The following MALRD1 variants were observed in gnomAD, a reference collection of about 807,000 sequenced individuals.
MALRD1 encodes MAM and LDL-receptor class A domain-containing protein 1.
Under a neutral mutation model 242.1 loss-of-function variants are expected in MALRD1, and 247 were observed. That is an observed-to-expected ratio of 1.02 (90% CI 0.92 to 1.13). The LOEUF (loss-of-function observed/expected upper bound fraction) is 1.13. Among genes scored for constraint, MALRD1 ranks in the 50% most tolerant of loss-of-function variants. The pLI is 0.00. For synonymous variants in MALRD1, 995 were observed against 866.6 expected (o/e 1.15, Z -2.60); for missense variants, 2,989 against 2,533.1 (o/e 1.18, Z -3.86).
At chr10:19,268,943 C>G (rs1307158929) in intron 19 of MALRD1, among the ~76,000 whole-genome samples, 1 of 152,064 alleles carries the variant, frequency 6.6e-6, no homozygotes, top group African/African-American at 2.4e-5. Flanking sequence ...AGTTTGGTTC[C>G]CCTGTGGCTC....
chr10:19,550,864 A>G (rs1482477177), intron 32 of MALRD1, among the ~76,000 whole-genome samples: 1 of 152,214 alleles, frequency 6.6e-6, no homozygotes, highest in Non-Finnish European at 1.5e-5. Flanking sequence ...TATATACCCC[A>G]TAATGGGATT....
intron 18 of MALRD1, among the ~76,000 whole-genome samples, chr10:19,233,623 A>C (rs1211659447): frequency 6.6e-6 from 1 of 152,096 alleles, no homozygotes; most frequent in Non-Finnish European, 1.5e-5. Flanking sequence ...GACACTTTCT[A>C]CTGATTTCCA....
chr10:19,517,885 A>G (rs1023456214), intron 31 of MALRD1, among the ~76,000 whole-genome samples: 6 of 152,330 alleles, frequency 3.9e-5, no homozygotes, highest in African/African-American at 1.4e-4. Flanking sequence ...TTTCCTCCAC[A>G]TCCCACTTCT....
At chr10:19,382,434 A>G (rs1010382258) in intron 26 of MALRD1, among the ~76,000 whole-genome samples, 5 of 152,166 alleles carry the variant, frequency 3.3e-5, no homozygotes, top group Non-Finnish European at 7.3e-5. Flanking sequence ...TTGGCATAAA[A>G]GTTAGAATAT....
chr10:19,702,150 G>A (rs1367315016), intron 38 of MALRD1, among the ~76,000 whole-genome samples: 1 of 152,166 alleles, frequency 6.6e-6, no homozygotes, highest in East Asian at 1.9e-4. Context: ...TAAATTTATA[G>A]TAAATGTCTT....
At chr10:19,085,711 A>G (rs915868484) in intron 2 of MALRD1, among the ~76,000 whole-genome samples, 2 of 152,012 alleles carry the variant, frequency 1.3e-5, no homozygotes, top group Non-Finnish European at 2.9e-5. Context: ...GTTGAAAAAT[A>G]TCACTGAAAA....
At chr10:19,406,178 A>G (rs371304819) in intron 28 of MALRD1, among the ~76,000 whole-genome samples, 33 of 152,246 alleles carry the variant, frequency 2.2e-4, no homozygotes, top group East Asian at 9.6e-4. Flanking sequence ...TGGAAACTAT[A>G]AAGCATTTAA....
intron 33 of MALRD1, among the ~76,000 whole-genome samples, chr10:19,578,561 G>A (rs1054254653): frequency 7.9e-5 from 12 of 152,070 alleles, no homozygotes; most frequent in African/African-American, 2.7e-4. Context: ...ATGTGGTGGC[G>A]CATGCCTGTA....
chr10:19,215,732 T>TTTTGCTGCCAA (rs1564473180), intron 18 of MALRD1, among the ~76,000 whole-genome samples: 2 of 115,280 alleles, frequency 1.7e-5, no homozygotes, highest in Non-Finnish European at 3.9e-5. Context: ...TTAGTATAAA[T>TTTTGCTGCCAA]AATTTAGTAT....
At chr10:19,590,353 AATATATGTATATGTCTATATACATATTTT>A (rs1317831468) in intron 33 of MALRD1, among the ~76,000 whole-genome samples, 3 of 147,084 alleles carry the variant, frequency 2.0e-5, no homozygotes, top group South Asian at 4.2e-4. Flanking sequence ...TATTTTATAT[AATATATGTATATGTCTATATACATATTTT>A]ATATATGTAT....
chr10:19,203,040 A>G (rs1836617384), intron 14 of MALRD1, among the ~76,000 whole-genome samples: 1 of 152,138 alleles, frequency 6.6e-6, no homozygotes, highest in Non-Finnish European at 1.5e-5. Context: ...TCTATTACAT[A>G]AAGTGTTCTA....
chr10:19,217,356 C>A (rs1588711906), intron 18 of MALRD1, among the ~76,000 whole-genome samples: 1 of 152,224 alleles, frequency 6.6e-6, no homozygotes, highest in East Asian at 1.9e-4. Context: ...ACTTCTGCAT[C>A]CTGCCACTTT....
At chr10:19,665,338 G>A (rs1186246673) in intron 36 of MALRD1, among the ~76,000 whole-genome samples, 1 of 152,114 alleles carries the variant, frequency 6.6e-6, no homozygotes, top group East Asian at 1.9e-4. Flanking sequence ...TGGTAGATGA[G>A]GGCTAGCTAA....
At position 19,690,762 on chromosome 10, in the gene MALRD1, G is replaced by T. The variant is rs577627909; in HGVS notation, c.6138-1520G>T. ...AATATATATACATTTAGATAAATAG[G>T]CAGTGTAGATAATAGATAGATGGAT... On this transcript the variant is annotated intron_variant, in intron 36 of 39. Transcript: ENST00000454679. Among the ~76,000 whole-genome samples the T allele has an allele frequency of 7.2e-5, 11 of 151,810 alleles. No individual in the cohort carries two copies. The South Asian group carries it at 1.5e-3, about 20-fold the overall frequency.
chr10:19,165,265 A>ATATATATATATATATATATATTTTTTT, intron 12 of MALRD1, among the ~76,000 whole-genome samples: 1 of 130,308 alleles, frequency 7.7e-6, no homozygotes, highest in African/African-American at 3.2e-5. Flanking sequence ...ATATATATAT[A>ATATATATATATATATATATATTTTTTT]TTTTGTTTTG....
At chr10:19,413,833 C>T (rs1833385256) in intron 28 of MALRD1, among the ~76,000 whole-genome samples, 1 of 151,818 alleles carries the variant, frequency 6.6e-6, no homozygotes, top group Admixed American at 6.6e-5. Flanking sequence ...TACCTGTAGT[C>T]CCAGCCACTT....
chr10:19,708,340 C>CTTT (rs545136011), intron 38 of MALRD1, among the ~76,000 whole-genome samples: 3 of 76,090 alleles, frequency 3.9e-5, no homozygotes, highest in South Asian at 5.4e-4. Flanking sequence ...TTTTCTTTTT[C>CTTT]TTTTTTTTTT....
In MALRD1 at chr10:19,450,311, A is replaced by G. The variant is rs1835249372; in HGVS notation, c.4850A>G (p.Glu1617Gly). The G allele has an allele frequency of 6.5e-7, 1 of 1,547,876 alleles. No homozygotes were observed. Among genetic ancestry groups the G allele is most frequent in the Non-Finnish European group, 8.7e-7 (1 of 1,146,528 alleles). The change falls in exon 29 of 40, where the codon GAG becomes GGG. Residue 1617 changes from glutamate (E) to glycine (G), a missense_variant. Glu to Gly is a moderately conservative substitution (Grantham distance 98). Coordinates refer to ENST00000454679, the MANE Select transcript of MALRD1 (RefSeq NM_001142308.3). ...TACAAACTTCTTTACTTTCAGACAG[A>G]GAAAGGACTATCAAAAGTATGGCAA... ...TGSIQILIKT[E>G]KGLSKVWQES...
chr10:19,515,890 G>A (rs1027801313), intron 31 of MALRD1, among the ~76,000 whole-genome samples: 1 of 152,114 alleles, frequency 6.6e-6, no homozygotes, highest in Admixed American at 6.6e-5. Flanking sequence ...TTGCTGATAA[G>A]AACGTTAGAA....
Sources: allele counts gnomAD v4.1 joint callset (sites outside exome capture counted in the v4.1 genomes callset), GRCh38; gene constraint gnomAD v4.1.1; transcripts MANE v1.5; gene names NCBI Gene and HGNC (gene_info 2026-07-23, HGNC 2026-07-21).